The following ROBO1 variants were observed in gnomAD, a reference collection of about 807,000 sequenced individuals.
ROBO1 encodes roundabout guidance receptor 1.
A neutral mutation model predicts 195.9 loss-of-function variants in ROBO1; 149 were observed. The observed-to-expected ratio is 0.76, with a 90% confidence interval of 0.67 to 0.87. ROBO1 has a LOEUF of 0.87. Ranked by LOEUF, ROBO1 falls within the 40% of genes least tolerant of loss-of-function variation. ROBO1 has a pLI of 0.00. For synonymous variants in ROBO1, 816 were observed against 733.2 expected (o/e 1.11, Z -1.82); for missense variants, 1,933 against 2,068.3 (o/e 0.93, Z 1.27).
chr3:79,410,470 G>T (rs567932904), intron 2 of ROBO1, among the ~76,000 whole-genome samples: 4 of 152,094 alleles, frequency 2.6e-5, no homozygotes, highest in Admixed American at 2.6e-4. Context: ...GAGGCAACCT[G>T]TATGTCCAGG....
At chr3:79,057,984 C>T (rs1341526121) in intron 3 of ROBO1, among the ~76,000 whole-genome samples, 1 of 152,016 alleles carries the variant, frequency 6.6e-6, no homozygotes, top group Non-Finnish European at 1.5e-5. Flanking sequence ...AAACCCAAAT[C>T]TGGGCTGCTT....
chr3:79,126,389 A>G (rs1050961602), intron 2 of ROBO1, among the ~76,000 whole-genome samples: 1 of 152,180 alleles, frequency 6.6e-6, no homozygotes, highest in African/African-American at 2.4e-5. Context: ...AAGCACAACA[A>G]CACTCCAGTT....
chr3:79,167,524 T>G (rs773273452), intron 2 of ROBO1, among the ~76,000 whole-genome samples: 1 of 152,230 alleles, frequency 6.6e-6, no homozygotes, highest in Non-Finnish European at 1.5e-5. Flanking sequence ...TTCATATAAA[T>G]GATAAAACTA....
At chr3:79,714,265 C>T (rs907416196) in intron 1 of ROBO1, among the ~76,000 whole-genome samples, 1 of 152,084 alleles carries the variant, frequency 6.6e-6, no homozygotes, top group African/African-American at 2.4e-5. Flanking sequence ...TCATCACTGG[C>T]CATCAGAGAA....
At chr3:79,213,653 T>C (rs895555000) in intron 2 of ROBO1, among the ~76,000 whole-genome samples, 4 of 152,108 alleles carry the variant, frequency 2.6e-5, no homozygotes, top group African/African-American at 7.2e-5. Flanking sequence ...AGAGATTTAA[T>C]TTCTCCCTGA....
At chr3:79,749,475 G>A (rs1396864150) in intron 1 of ROBO1, among the ~76,000 whole-genome samples, 3 of 152,166 alleles carry the variant, frequency 2.0e-5, no homozygotes, top group African/African-American at 7.2e-5. Flanking sequence ...AATTCCGAAG[G>A]CAATGTGGAA....
chr3:79,560,925 C>T (rs1233932911), intron 2 of ROBO1, among the ~76,000 whole-genome samples: 1 of 151,972 alleles, frequency 6.6e-6, no homozygotes, highest in Non-Finnish European at 1.5e-5. Context: ...TGCTTTGTGC[C>T]CCCAACTGCA....
At chr3:79,297,682 C>A (rs2109048034) in intron 2 of ROBO1, among the ~76,000 whole-genome samples, 1 of 152,208 alleles carries the variant, frequency 6.6e-6, no homozygotes, top group African/African-American at 2.4e-5. Flanking sequence ...AATACCATTT[C>A]TCCAAACTGT....
In ROBO1 at chr3:78,974,625, G is replaced by A. The variant is rs185247340; in HGVS notation, c.173-35698C>T. Among the ~76,000 whole-genome samples, 6 of 152,290 alleles carry A rather than the reference G, an allele frequency of 3.9e-5. No homozygotes were observed. The East Asian group carries it at 9.7e-4, about 25-fold the overall frequency. ...CCAGCAGTTTAGAGTTTCCTCGTTAGATTTTCATAGAAATGGTTCTCAGAA... is the reference window on the plus strand; with the variant it reads ...CCAGCAGTTTAGAGTTTCCTCGTTAAATTTTCATAGAAATGGTTCTCAGAA... On this transcript the variant is annotated intron_variant, in intron 3 of 30. Transcript: ENST00000464233.
chr3:79,717,037 T>C (rs1576275955), intron 1 of ROBO1, among the ~76,000 whole-genome samples: 1 of 152,108 alleles, frequency 6.6e-6, no homozygotes, highest in East Asian at 1.9e-4. Flanking sequence ...AGAGATCATT[T>C]GTGAAAAGAA....
At position 78,669,064 on chromosome 3, in the gene ROBO1, G is replaced by A. The variant is rs115516198; in HGVS notation, c.1549-499C>T. 4.6e-3 allele frequency among the ~76,000 whole-genome samples: 706 copies of A among 152,052 alleles called. 5 individuals are homozygous for A. The highest frequency in any genetic ancestry group is 0.016 in the African/African-American group (668 of 41,468). On this transcript the variant is annotated intron_variant, in intron 11 of 30. Coordinates refer to ENST00000464233, the MANE Select transcript of ROBO1 (RefSeq NM_002941.4). ...TTTTTCTTAAACTACTGACTTTTCC[G>A]GGTTTTAAAACTTGTAACTTAAGGC...
At chr3:79,688,619 A>C (rs1411537782) in intron 1 of ROBO1, among the ~76,000 whole-genome samples, 2 of 152,066 alleles carry the variant, frequency 1.3e-5, no homozygotes, top group Admixed American at 1.3e-4. Context: ...TATTAATTAT[A>C]CTTTCGCATG....
chr3:79,455,312 A>G (rs2039582344), intron 2 of ROBO1, among the ~76,000 whole-genome samples: 1 of 152,144 alleles, frequency 6.6e-6, no homozygotes, highest in South Asian at 2.1e-4. Context: ...TTTGGTTAAT[A>G]CAGCTCATTA....
At chr3:78,686,675 T>C (rs2081059943) in intron 9 of ROBO1, among the ~76,000 whole-genome samples, 1 of 152,144 alleles carries the variant, frequency 6.6e-6, no homozygotes, top group Non-Finnish European at 1.5e-5. Flanking sequence ...ATTAAGACCT[T>C]TAATATATTA....
intron 3 of ROBO1, among the ~76,000 whole-genome samples, chr3:79,056,997 C>A (rs1381140767): frequency 6.6e-6 from 1 of 152,040 alleles, no homozygotes; most frequent in Non-Finnish European, 1.5e-5. Flanking sequence ...AGCCGCCTTT[C>A]AACATTCCGT....
chr3:79,607,495 A>G (rs1269667358), intron 1 of ROBO1, among the ~76,000 whole-genome samples: 1 of 151,722 alleles, frequency 6.6e-6, no homozygotes, highest in Non-Finnish European at 1.5e-5. Context: ...TATTAACATT[A>G]AAGAGTTTCC....
intron 4 of ROBO1, among the ~76,000 whole-genome samples, chr3:78,855,233 T>C (rs1421142603): frequency 1.3e-5 from 2 of 152,184 alleles, no homozygotes; most frequent in African/African-American, 4.8e-5. Flanking sequence ...AAATGGAGTC[T>C]GCATTTGTAG....
chr3:79,329,751 ATACAAATTCTT>A (rs2034357023), intron 2 of ROBO1, among the ~76,000 whole-genome samples: 1 of 152,204 alleles, frequency 6.6e-6, no homozygotes, highest in Admixed American at 6.5e-5. Flanking sequence ...AGATAGAATA[ATACAAATTCTT>A]TATTGTCTAG....
At chr3:78,691,430 G>T (rs1331530409) in intron 8 of ROBO1, among the ~76,000 whole-genome samples, 3 of 151,702 alleles carry the variant, frequency 2.0e-5, no homozygotes, top group Admixed American at 6.6e-5. Flanking sequence ...ATAGAAATTG[G>T]GTCATACTAT....
Sources: gnomAD v4.1 joint callset for allele counts (sites outside exome capture counted in the v4.1 genomes callset) on GRCh38, gnomAD v4.1.1 for gene constraint, MANE v1.5 for transcripts, NCBI Gene and HGNC (gene_info 2026-07-23, HGNC 2026-07-21) for gene names.